The following TNK2 variants were observed in gnomAD, a reference collection of about 807,000 sequenced individuals.
TNK2 encodes tyrosine kinase non receptor 2.
A neutral mutation model predicts 101.8 loss-of-function variants in TNK2; 83 were observed. That is an observed-to-expected ratio of 0.82 (90% CI 0.68 to 0.98). The LOEUF is 0.98. TNK2 is among the 50% of genes least tolerant of loss of function. The pLI, the probability that TNK2 is intolerant of heterozygous loss-of-function variation, is 0.00. For synonymous variants in TNK2, 804 were observed against 633.0 expected, an observed-to-expected ratio of 1.27 and a Z score of -4.06; for missense variants, 1,665 against 1,483.2, an observed-to-expected ratio of 1.12 and a Z score of -2.01.
intron 9 of TNK2, among the ~76,000 whole-genome samples, chr3:195,875,840 G>A (rs1296639578): frequency 1.3e-5 from 2 of 152,202 alleles, no homozygotes; most frequent in African/African-American, 4.8e-5. Context: ...ACATCTCTGG[G>A]GTAGACAAGA....
intron 11 of TNK2, chr3:195,869,890 C>A (rs1035386437): frequency 1.8e-6 from 1 of 555,458 alleles, no homozygotes; most frequent in Non-Finnish European, 3.2e-6. Flanking sequence ...CCGGGGCGGA[C>A]GGGCCTGCTG....
rs548604069 is a variant in TNK2, at chr3:195,869,480, G to A, written c.1588+17C>T. 4.5e-5 allele frequency: 70 copies of A among 1,550,366 alleles called. 1 individual carries two copies. In the South Asian group the frequency reaches 5.1e-4, roughly 11 times the overall value. ...GGCGGGGGCGGGGGCCAAGGCATCG[G>A]AAGCAGCCCCACTTACTCTGAGTGA... is the stretch of plus-strand genomic sequence containing the variant. On this transcript the variant is annotated intron_variant, in intron 12 of 15. Transcript: ENST00000672887.
rs1224962791 is a variant in TNK2, at chr3:195,867,677, T to C, written c.2621A>G (p.Tyr874Cys). ...GGATGGTCGCTCGGGCAGCAAGTAATAGTGGGTGCTGCTGACCTTCTTGCC... is the reference window on the plus strand; with the variant it reads ...GGATGGTCGCTCGGGCAGCAAGTAACAGTGGGTGCTGCTGACCTTCTTGCC... ...RDGKKVSSTH[Y>C]YLLPERPSYL... Residue 874 changes from tyrosine to cysteine, a missense_variant, in exon 13 of 16, where the codon TAT (tyrosine) becomes TGT (cysteine). Physicochemically the swap from Tyr to Cys is radical, Grantham distance 194. Coordinates refer to ENST00000672887, the MANE Select transcript of TNK2 (RefSeq NM_001382273.1). 1.2e-6 allele frequency: 2 copies of C among 1,608,148 alleles called. No individual in the cohort carries two copies. Among genetic ancestry groups the C allele is most frequent in the Middle Eastern group, 1.7e-4 (1 of 6,050 alleles).
chr3:195,881,569 CATCTATCCCT>C (rs1752950926), intron 6 of TNK2, among the ~76,000 whole-genome samples: 1 of 68,894 alleles, frequency 1.5e-5, no homozygotes, highest in African/African-American at 7.4e-5. Context: ...GAGGACACAG[CATCTATCCCT>C]GTAACACCCC....
rs910290157 is a variant in TNK2, at chr3:195,892,665, T to G, written c.-18-4059A>C. On this transcript the variant is annotated intron_variant, in intron 1 of 15. Transcript: ENST00000672887. ...CCGCTGGGTTTCCACAGCTGGCCGG[T>G]CTGGCAGGGAGCAGAGCTTTCCTCA... 5.2e-5 allele frequency: 71 copies of G among 1,375,982 alleles called. 2 individuals are homozygous for G. In the South Asian group the frequency reaches 1.1e-3, roughly 21 times the overall value. 85.2% of individuals were successfully genotyped at this position (1,375,982 alleles called of 1,614,324 possible). A position where few individuals can be genotyped will look rare whatever the true frequency, so the allele number is the denominator to read the frequency against.
Position 195,886,705 on chromosome 3 carries a change from G to C in TNK2, c.234+272C>G, listed in dbSNP as rs1755744076. On this transcript the variant is annotated intron_variant, in intron 3 of 15. Coordinates refer to ENST00000672887, the MANE Select transcript of TNK2 (RefSeq NM_001382273.1). This position sits in a 1 kb window ranked among gnomAD's most constrained non-coding sequence, Gnocchi z 4.2. ...AAGTTAAGGCACACTTGTCAATGAG[G>C]TCCTGTTCCAGGCGTGCCGAGAGGG... Among the ~76,000 whole-genome samples, 1 of 152,180 alleles carries C rather than the reference G, an allele frequency of 6.6e-6. No homozygotes were observed. The highest frequency in any genetic ancestry group is 6.5e-5 in the Admixed American group (1 of 15,282).
chr3:195,892,744 T>A, intron 1 of TNK2: 2 of 1,341,070 alleles, frequency 1.5e-6, no homozygotes, highest in South Asian at 3.7e-5. Flanking sequence ...TCCAGGGCAG[T>A]GGTCACAGTC....
chr3:195,864,636 G>A (rs1739353036), intron 15 of TNK2, among the ~76,000 whole-genome samples: 1 of 141,024 alleles, frequency 7.1e-6, no homozygotes, highest in South Asian at 2.4e-4. Context: ...CATCCCAGAT[G>A]CAAATCAGTA....
chr3:195,869,059 C>A, intron 12 of TNK2: 1 of 467,714 alleles, frequency 2.1e-6, no homozygotes, highest in Non-Finnish European at 3.8e-6. Context: ...GAGCCCTCAT[C>A]CCCGCCCCTG....
Position 195,888,958 on chromosome 3 carries a change from CAG to C in TNK2, c.-18-354_-18-353del, listed in dbSNP as rs1260161209. ...TCCTTGAAAATCTTTTAAAAACTAA[CAG>C]TGGTCTCTCCGGGAACACCGACGTG... is the stretch of plus-strand genomic sequence containing the variant. On this transcript the variant is annotated intron_variant, in intron 1 of 15. Coordinates refer to ENST00000672887, the MANE Select transcript of TNK2 (RefSeq NM_001382273.1). The surrounding 1 kb of genome is among the most constrained non-coding windows in gnomAD (Gnocchi z 5.3). Among the ~76,000 whole-genome samples the C allele has an allele frequency of 6.6e-5, 10 of 152,260 alleles. No individual in the cohort carries two copies. In the East Asian group the frequency reaches 1.7e-3, roughly 26 times the overall value.
intron 1 of TNK2, among the ~76,000 whole-genome samples, chr3:195,896,976 T>C (rs569836075): frequency 6.6e-6 from 1 of 152,296 alleles, no homozygotes; most frequent in African/African-American, 2.4e-5. Context: ...CAATCTACCG[T>C]ATTCTCAGGA....
At chr3:195,902,640 C>A (rs905941859) in intron 1 of TNK2, among the ~76,000 whole-genome samples, 45 of 108,936 alleles carry the variant, frequency 4.1e-4, no homozygotes, top group South Asian at 5.7e-4. Flanking sequence ...CAAAAAAAAA[C>A]AAACATAAAA....
chr3:195,869,385 A>AGCC, intron 12 of TNK2, 112 bp downstream of exon 12: 2 of 892,994 alleles, frequency 2.2e-6, no homozygotes, highest in Non-Finnish European at 3.5e-6. Context: ...CACAGCACAC[A>AGCC]CCCACCCACC....
chr3:195,896,800 C>A (rs1192023892), intron 1 of TNK2: 4 of 152,394 alleles, frequency 2.6e-5, no homozygotes, highest in African/African-American at 9.7e-5. Flanking sequence ...TCACTTGTCT[C>A]TTTATATCTC....
At chr3:195,904,262 TAAAAA>T (rs35186478) in intron 1 of TNK2, among the ~76,000 whole-genome samples, 121 of 125,322 alleles carry the variant, frequency 9.7e-4, no homozygotes, top group Admixed American at 1.6e-3. Flanking sequence ...ACCTTGTCTT[TAAAAA>T]AAAAAAAAAA....
At position 195,870,144 on chromosome 3, in the gene TNK2, G is replaced by T; in HGVS notation, c.1513C>A (p.Arg505=). The change falls in exon 11 of 16, where the codon CGG becomes AGG. Residue 505 remains arginine (R), a synonymous_variant. Transcript: ENST00000672887. The part of the protein sequence containing the change: ...DLLSVELSTS[R]PPQHLGGVKR... ...ACCCCTCCTAGATGCTGGGGGGGCC[G>T]GGAGGTGCTCAGTTCCACGCTCAGG... The T allele has an allele frequency of 6.7e-7, 1 of 1,481,990 alleles. No homozygotes were observed. Among genetic ancestry groups the T allele is most frequent in the Non-Finnish European group, 9.0e-7 (1 of 1,109,950 alleles). 91.8% of individuals were successfully genotyped at this position (1,481,990 alleles called of 1,614,324 possible).
At chr3:195,872,723 G>A in intron 9 of TNK2, 1 of 491,246 alleles carries the variant, frequency 2.0e-6, no homozygotes, top group Non-Finnish European at 3.6e-6. Context: ...TGCAAATAAG[G>A]AGGCACGCTG....
rs950623857 is a variant in TNK2, at chr3:195,886,514, G to T, written c.234+463C>A. On this transcript the variant is annotated intron_variant, in intron 3 of 15. Coordinates refer to ENST00000672887, the MANE Select transcript of TNK2 (RefSeq NM_001382273.1). The surrounding 1 kb of genome is among the most constrained non-coding windows in gnomAD (Gnocchi z 4.2). ...TAGGACAAGGTGTGGGGAGAGGTGGGGACAGGCTGTGGGGAAGGAAGCTGT... is the reference window on the plus strand; with the variant it reads ...TAGGACAAGGTGTGGGGAGAGGTGGTGACAGGCTGTGGGGAAGGAAGCTGT... 1.3e-5 allele frequency among the ~76,000 whole-genome samples: 2 copies of T among 152,110 alleles called. No homozygotes were observed. The highest frequency in any genetic ancestry group is 2.9e-5 in the Non-Finnish European group (2 of 68,030).
rs373278946 is a variant in TNK2 at position 195,868,329 on chromosome 3, C to G, written c.1969G>C (p.Glu657Gln). 3.1e-6 allele frequency: 5 copies of G among 1,602,392 alleles called. No individual in the cohort carries two copies. Among genetic ancestry groups the G allele is most frequent in the Non-Finnish European group, 4.2e-6 (5 of 1,179,128 alleles). The change falls in exon 13 of 16, where the codon GAG becomes CAG. Residue 657 changes from glutamate to glutamine, a missense_variant. Coordinates refer to ENST00000672887, the MANE Select transcript of TNK2 (RefSeq NM_001382273.1). ...ATGGAGCAGATCTCAAAGTCATCCT[C>G]ATCCTGGGCCACGTCGTCATAGGCG... ...PPAYDDVAQD[E>Q]DDFEICSINS...
Sources: gnomAD v4.1 joint callset for allele counts (sites outside exome capture counted in the v4.1 genomes callset) on GRCh38, gnomAD v4.1.1 for gene constraint, Gnocchi (gnomAD v3.1) non-coding constraint, MANE v1.5 for transcripts, NCBI Gene and HGNC (gene_info 2026-07-23, HGNC 2026-07-21) for gene names.